The following FRMD4B variants were observed in gnomAD, a reference collection of about 807,000 sequenced individuals.
FRMD4B encodes the protein FERM domain containing 4B, also known as FERM domain-containing protein 4B.
In FRMD4B, 74 loss-of-function variants were observed where a neutral mutation model predicts 141.5. The ratio of observed to expected loss-of-function variants is 0.52; its 90% CI spans 0.43 to 0.63. FRMD4B has a LOEUF of 0.63. Among genes scored for constraint, FRMD4B ranks in the 30% least tolerant of loss-of-function variants. FRMD4B has a pLI of 0.00. For synonymous variants in FRMD4B, 506 were observed against 467.9 expected, an observed-to-expected ratio of 1.08 and a Z score of -1.05; for missense variants, 1,366 against 1,253.4, an observed-to-expected ratio of 1.09 and a Z score of -1.36.
chr3:69,244,769 C>T (rs1035161546), intron 7 of FRMD4B, among the ~76,000 whole-genome samples: 6 of 152,108 alleles, frequency 3.9e-5, no homozygotes, highest in Non-Finnish European at 5.9e-5. Context: ...TTGTATGTGC[C>T]TGTAATCCCA....
intron 1 of FRMD4B, among the ~76,000 whole-genome samples, chr3:69,466,701 C>A (rs1705793578): frequency 6.6e-6 from 1 of 151,994 alleles, no homozygotes; most frequent in Admixed American, 6.6e-5. Flanking sequence ...AAAACCTTTT[C>A]TTTTCTTTTA....
intron 1 of FRMD4B, among the ~76,000 whole-genome samples, chr3:69,332,615 T>C (rs113823974): frequency 0.02 from 3,050 of 152,172 alleles, 120 homozygotes; most frequent in African/African-American, 0.069. Context: ...CTCACTCCAT[T>C]GCCCAGGCTG....
At chr3:69,274,518 T>A (rs2093609434) in intron 5 of FRMD4B, among the ~76,000 whole-genome samples, 1 of 152,098 alleles carries the variant, frequency 6.6e-6, no homozygotes, top group Non-Finnish European at 1.5e-5. Context: ...TATTTTTTTA[T>A]TTTTATTTTT....
chr3:69,516,677 G>A (rs1472842034), intron 1 of FRMD4B, among the ~76,000 whole-genome samples: 1 of 152,188 alleles, frequency 6.6e-6, no homozygotes, highest in Non-Finnish European at 1.5e-5. Context: ...TGTCATGGTA[G>A]CAATAGGAAA....
chr3:69,324,957 T>G (rs186284352), intron 1 of FRMD4B, among the ~76,000 whole-genome samples: 1 of 152,024 alleles, frequency 6.6e-6, no homozygotes, highest in African/African-American at 2.4e-5. Context: ...CGTGTACCTG[T>G]AGTCCTATGT....
intron 5 of FRMD4B, among the ~76,000 whole-genome samples, chr3:69,275,121 TTGATCTC>T (rs141275950): frequency 0.01 from 1,524 of 152,324 alleles, 27 homozygotes; most frequent in African/African-American, 0.035. Context: ...AACCAAGCAC[TTGATCTC>T]AACCAAACAA....
intron 1 of FRMD4B, among the ~76,000 whole-genome samples, chr3:69,317,623 T>A (rs1701846304): frequency 6.6e-6 from 1 of 151,574 alleles, no homozygotes; most frequent in Admixed American, 6.6e-5. Flanking sequence ...GGTGTGGTGG[T>A]GTGCATCTGT....
At chr3:69,309,746 C>A (rs1701514883) in intron 3 of FRMD4B, among the ~76,000 whole-genome samples, 1 of 151,868 alleles carries the variant, frequency 6.6e-6, no homozygotes, top group African/African-American at 2.4e-5. Context: ...CACACCCGGC[C>A]AATATTTTTT....
At chr3:69,267,960 T>C (rs2093575875) in intron 5 of FRMD4B, among the ~76,000 whole-genome samples, 1 of 151,836 alleles carries the variant, frequency 6.6e-6, no homozygotes, top group African/African-American at 2.4e-5. Context: ...TGAATTAATC[T>C]ATACCTTTTA....
intron 1 of FRMD4B, among the ~76,000 whole-genome samples, chr3:69,316,288 G>A (rs777349566): frequency 6.6e-5 from 10 of 152,140 alleles, no homozygotes; most frequent in Non-Finnish European, 1.3e-4. Context: ...TACACCTTGG[G>A]TGGCAAGGGG....
At chr3:69,304,455 G>T (rs1448606228) in intron 3 of FRMD4B, among the ~76,000 whole-genome samples, 1 of 135,574 alleles carries the variant, frequency 7.4e-6, no homozygotes, top group Non-Finnish European at 1.5e-5. Flanking sequence ...CTACACTCCA[G>T]CTTGCACGAC....
At chr3:69,539,709 G>A (rs972327619) in intron 1 of FRMD4B, among the ~76,000 whole-genome samples, 2 of 152,138 alleles carry the variant, frequency 1.3e-5, no homozygotes, top group Non-Finnish European at 2.9e-5. Flanking sequence ...TAAAATGGTT[G>A]ATTAATATTA....
Position 69,212,215 on chromosome 3 carries a change from C to T in FRMD4B, c.876+4048G>A, listed in dbSNP as rs1235764515. On this transcript the variant is annotated intron_variant, in intron 11 of 22. Coordinates refer to ENST00000398540, the MANE Select transcript of FRMD4B (RefSeq NM_015123.3). ...TCTCTACTAAAAATACAAAAATTAG[C>T]CAGGCATGGTGGCAGGCACCTGTAA... is the stretch of plus-strand genomic sequence containing the variant. Among the ~76,000 whole-genome samples the T allele has an allele frequency of 2.0e-5, 3 of 151,038 alleles. No homozygotes were observed. In the South Asian group the frequency reaches 6.3e-4, roughly 32 times the overall value.
chr3:69,386,042 C>G lies in FRMD4B; in HGVS notation c.-53G>C. ...GTCCCGGCTCTCGTACGTGCAGCCC[C>G]GACCCCAGCGGCCTGCCCGCCTGGG... On this transcript the variant is annotated 5_prime_UTR_variant, in exon 1 of 23. Transcript: ENST00000398540. 10 of 1,405,006 alleles carry G rather than the reference C, an allele frequency of 7.1e-6. No homozygotes were observed. Among genetic ancestry groups the G allele is most frequent in the African/African-American group, 1.5e-5 (1 of 68,158 alleles). 87.0% of individuals were successfully genotyped at this position (1,405,006 alleles called of 1,614,324 possible).
chr3:69,481,884 A>G (rs909260132), intron 1 of FRMD4B, among the ~76,000 whole-genome samples: 4 of 152,218 alleles, frequency 2.6e-5, no homozygotes, highest in Non-Finnish European at 5.9e-5. Context: ...TCCTACAGCA[A>G]CCAGCGAAAT....
intron 3 of FRMD4B, among the ~76,000 whole-genome samples, chr3:69,308,085 G>A (rs1410278719): frequency 3.3e-5 from 5 of 152,012 alleles, no homozygotes; most frequent in East Asian, 3.9e-4. Context: ...TCTGTGTGAC[G>A]CCTGCTCCAG....
chr3:69,329,104 G>T (rs1575735684), intron 1 of FRMD4B, among the ~76,000 whole-genome samples: 1 of 152,190 alleles, frequency 6.6e-6, no homozygotes, highest in African/African-American at 2.4e-5. Context: ...CAGCATACCA[G>T]TGGAGAAAGT....
At position 69,181,443 on chromosome 3, in the gene FRMD4B, C is replaced by T. The variant is rs760032428; in HGVS notation, c.2307G>A (p.Gln769=). Residue 769 remains glutamine (Q), a synonymous_variant, in exon 21 of 23, where the codon CAG becomes CAA. Coordinates refer to ENST00000398540, the MANE Select transcript of FRMD4B (RefSeq NM_015123.3). ...RTRGRRRSKK[Q]NVSTSNSGSM... Reference sequence around the variant, plus strand: ...TTCCTGAATTTGAAGTAGAAACATTCTGTTTCTTTGACCTCCTCCGACCCC... The same window carrying T: ...TTCCTGAATTTGAAGTAGAAACATTTTGTTTCTTTGACCTCCTCCGACCCC... 3.1e-6 allele frequency: 5 copies of T among 1,613,722 alleles called. No homozygotes were observed. Among genetic ancestry groups the T allele is most frequent in the Non-Finnish European group, 4.2e-6 (5 of 1,179,786 alleles).
chr3:69,279,079 C>CAAAT (rs1053487922), intron 5 of FRMD4B, among the ~76,000 whole-genome samples: 1 of 149,510 alleles, frequency 6.7e-6, no homozygotes, highest in African/African-American at 2.4e-5. Context: ...AATAAATAAA[C>CAAAT]AAATAAATAA....
Sources: allele counts gnomAD v4.1 joint callset (sites outside exome capture counted in the v4.1 genomes callset), GRCh38; gene constraint gnomAD v4.1.1; transcripts MANE v1.5; gene names NCBI Gene and HGNC (gene_info 2026-07-23, HGNC 2026-07-21).